The following FAM107B variants were observed in gnomAD, a reference collection of about 807,000 sequenced individuals.
FAM107B encodes the protein family with sequence similarity 107 member B, also known as protein FAM107B.
Under a neutral mutation model 31.5 loss-of-function variants are expected in FAM107B, and 21 were observed. The ratio of observed to expected loss-of-function variants is 0.67; its 90% CI spans 0.47 to 0.96. FAM107B has a LOEUF of 0.96. Among genes scored for constraint, FAM107B ranks in the 40% least tolerant of loss-of-function variants. The probability of loss-of-function intolerance (pLI) is 0.00; values close to 1 mark genes in which losing one functional copy is unlikely to be tolerated. For missense variants in FAM107B, 452 were observed against 377.1 expected (o/e 1.20, Z -1.64); for synonymous variants, 157 against 141.5 (o/e 1.11, Z -0.78).
intron 2 of FAM107B, among the ~76,000 whole-genome samples, chr10:14,651,992 C>G (rs565387588): frequency 4.6e-5 from 7 of 152,232 alleles, no homozygotes; most frequent in African/African-American, 1.7e-4. Flanking sequence ...GACCTTGAAG[C>G]TTGAAGCCAG....
chr10:14,694,199 G>A (rs937233010), intron 1 of FAM107B, among the ~76,000 whole-genome samples: 14 of 152,188 alleles, frequency 9.2e-5, no homozygotes, highest in Non-Finnish European at 4.4e-5. Flanking sequence ...ATATCTTTAT[G>A]AGGTGGTGAT....
intron 1 of FAM107B, among the ~76,000 whole-genome samples, chr10:14,709,196 T>C (rs1417346908): frequency 1.3e-5 from 2 of 152,144 alleles, no homozygotes; most frequent in Non-Finnish European, 2.9e-5. Flanking sequence ...CTCATAGGTA[T>C]TTACCCAAAT....
chr10:14,614,333 C>A (rs899843862), intron 2 of FAM107B, among the ~76,000 whole-genome samples: 5 of 151,990 alleles, frequency 3.3e-5, no homozygotes, highest in Non-Finnish European at 5.9e-5. Flanking sequence ...GTGCCCAGGG[C>A]GCTCTGGCAT....
chr10:14,770,554 A>G (rs1224981742), intron 1 of FAM107B, among the ~76,000 whole-genome samples: 2 of 152,050 alleles, frequency 1.3e-5, no homozygotes, highest in Non-Finnish European at 2.9e-5. Flanking sequence ...AAATAAAATA[A>G]ACAGCAGTAC....
At chr10:14,641,511 A>C (rs1413713065) in intron 2 of FAM107B, among the ~76,000 whole-genome samples, 1 of 152,224 alleles carries the variant, frequency 6.6e-6, no homozygotes, top group African/African-American at 2.4e-5. Context: ...GGCTGGAAGT[A>C]CAAGACCTCA....
In FAM107B at chr10:14,541,206, T is replaced by TAGAG. The variant is rs1187435222; in HGVS notation, c.470-10692_470-10691insCTCT. ...CTCCATGGCCTCCATCCCCTCCGGTTGCCTTTCCCTCTAATCCGGCTGCAT... is the reference window on the plus strand; with the variant it reads ...CTCCATGGCCTCCATCCCCTCCGGTTAGAGGCCTTTCCCTCTAATCCGGCTGCAT... On this transcript the variant is annotated intron_variant, in intron 2 of 4. Transcript: ENST00000181796. Among the ~76,000 whole-genome samples the TAGAG allele has an allele frequency of 7.2e-5, 11 of 152,236 alleles. No homozygotes were observed. In the East Asian group the frequency reaches 2.1e-3, roughly 29 times the overall value.
At chr10:14,731,352 A>G (rs1280221850) in intron 1 of FAM107B, among the ~76,000 whole-genome samples, 1 of 152,178 alleles carries the variant, frequency 6.6e-6, no homozygotes, top group East Asian at 1.9e-4. Context: ...ACCTGAGATC[A>G]GGAGTTTGAG....
intron 2 of FAM107B, among the ~76,000 whole-genome samples, chr10:14,649,775 C>G (rs1853853331): frequency 6.6e-6 from 1 of 152,202 alleles, no homozygotes; most frequent in Non-Finnish European, 1.5e-5. Flanking sequence ...TTAGGATCTC[C>G]TGGGGCTGTG....
intron 1 of FAM107B, among the ~76,000 whole-genome samples, chr10:14,744,702 G>A (rs1832691047): frequency 1.3e-5 from 2 of 152,188 alleles, no homozygotes; most frequent in South Asian, 4.1e-4. Context: ...AAGCCAACTT[G>A]ATCATGGTGG....
intron 2 of FAM107B, among the ~76,000 whole-genome samples, chr10:14,571,169 T>C (rs905783288): frequency 6.6e-6 from 1 of 151,996 alleles, no homozygotes; most frequent in Non-Finnish European, 1.5e-5. Context: ...AGAAAAAAGC[T>C]CTCCTGTCTC....
chr10:14,714,178 A>G (rs1466266965), intron 1 of FAM107B, among the ~76,000 whole-genome samples: 2 of 152,214 alleles, frequency 1.3e-5, no homozygotes, highest in Non-Finnish European at 2.9e-5. Flanking sequence ...CCCTGAGCCT[A>G]AAATAAAAGT....
chr10:14,644,849 T>A (rs141326489), intron 2 of FAM107B, among the ~76,000 whole-genome samples: 181 of 152,334 alleles, frequency 1.2e-3, no homozygotes, highest in African/African-American at 4.1e-3. Flanking sequence ...CTCTGTCCCA[T>A]CATCTTCGTG....
At chr10:14,550,532 T>G (rs1033477758) in intron 2 of FAM107B, among the ~76,000 whole-genome samples, 1 of 152,220 alleles carries the variant, frequency 6.6e-6, no homozygotes, top group African/African-American at 2.4e-5. Context: ...ATTTAAATCC[T>G]ACAGCAGCAG....
chr10:14,537,473 C>T (rs1847739063), intron 2 of FAM107B, among the ~76,000 whole-genome samples: 1 of 152,162 alleles, frequency 6.6e-6, no homozygotes, highest in Non-Finnish European at 1.5e-5. Context: ...TGGGTAAGGG[C>T]CTTCGCCAGT....
chr10:14,774,411 T>C lies in FAM107B; in HGVS notation c.253A>G (p.Arg85Gly). The C allele has an allele frequency of 6.2e-7, 1 of 1,614,232 alleles. No homozygotes were observed. The highest frequency in any genetic ancestry group is 8.5e-7 in the Non-Finnish European group (1 of 1,180,050). Reference sequence around the variant, plus strand: ...GAATTCCGATTCGCACTGCCATTTCTCTCTGCATGGGTGCTCGAATCTTGC... The same window carrying C: ...GAATTCCGATTCGCACTGCCATTTCCCTCTGCATGGGTGCTCGAATCTTGC... ...KRQDSSTHAERNGSANRNSSH... is the reference protein window; with the variant it reads ...KRQDSSTHAEGNGSANRNSSH... The change falls in exon 1 of 5, where the codon AGA becomes GGA. Residue 85 changes from arginine (R) to glycine (G), a missense_variant. By Grantham distance (125) the Arg-to-Gly change is moderately radical. Coordinates refer to ENST00000181796, the MANE Select transcript of FAM107B (RefSeq NM_031453.4).
intron 2 of FAM107B, among the ~76,000 whole-genome samples, chr10:14,659,713 A>C (rs756069707): frequency 6.6e-6 from 1 of 152,294 alleles, no homozygotes; most frequent in African/African-American, 2.4e-5. Context: ...ACATGAAAGT[A>C]AAAGCAGACA....
intron 2 of FAM107B, among the ~76,000 whole-genome samples, chr10:14,543,251 A>G (rs1414646937): frequency 6.6e-6 from 1 of 152,224 alleles, no homozygotes; most frequent in Non-Finnish European, 1.5e-5. Flanking sequence ...TAAAAGAAAT[A>G]ACCCGTCATA....
Position 14,520,414 on chromosome 10 carries a change from A to G in FAM107B, c.*776T>C, listed in dbSNP as rs1278916137. 2 of 152,268 alleles carry G rather than the reference A, an allele frequency of 1.3e-5. No homozygotes were observed. The highest frequency in any genetic ancestry group is 1.5e-5 in the Non-Finnish European group (1 of 68,052). 9.4% of individuals were successfully genotyped at this position (152,268 alleles called of 1,614,324 possible). The stretch of plus-strand genomic sequence containing the variant: ...AGGTTATTCCATCTGAAAGAACTAG[A>G]TCAGCAAGACATTTAAAAACAAAAC... On this transcript the variant is annotated 3_prime_UTR_variant, in exon 5 of 5. Coordinates refer to ENST00000181796, the MANE Select transcript of FAM107B (RefSeq NM_031453.4).
intron 1 of FAM107B, among the ~76,000 whole-genome samples, chr10:14,754,400 A>C (rs1410401858): frequency 6.6e-6 from 1 of 152,144 alleles, no homozygotes; most frequent in Non-Finnish European, 1.5e-5. Context: ...GTGAGACCTG[A>C]CTTGACTAAT....
Sources: allele counts gnomAD v4.1 joint callset (sites outside exome capture counted in the v4.1 genomes callset), GRCh38; gene constraint gnomAD v4.1.1; transcripts MANE v1.5; gene names NCBI Gene and HGNC (gene_info 2026-07-23, HGNC 2026-07-21).